The following ATXN1 variants were observed in gnomAD, a reference collection of about 807,000 sequenced individuals.
ATXN1 encodes ataxin 1.
ATXN1 carries 8 observed loss-of-function variants against 56.4 expected under a neutral mutation model. That is an observed-to-expected ratio of 0.14 (90% CI 0.08 to 0.26). The LOEUF (loss-of-function observed/expected upper bound fraction) is 0.26. Ranked by LOEUF, ATXN1 falls within the 10% of genes least tolerant of loss-of-function variation. ATXN1 has a pLI of 1.00. For missense variants in ATXN1, 987 were observed against 1,106.5 expected (o/e 0.89, Z 1.53); for synonymous variants, 514 against 494.6 (o/e 1.04, Z -0.52).
intron 6 of ATXN1, among the ~76,000 whole-genome samples, chr6:16,339,614 A>T (rs1761199137): frequency 6.6e-6 from 1 of 152,210 alleles, no homozygotes; most frequent in African/African-American, 2.4e-5. Flanking sequence ...AATAACAACT[A>T]GCATATGATC....
intron 3 of ATXN1, among the ~76,000 whole-genome samples, chr6:16,586,764 T>C (rs1291192038): frequency 6.6e-6 from 1 of 152,202 alleles, no homozygotes; most frequent in Non-Finnish European, 1.5e-5. Flanking sequence ...CTCATGCCTG[T>C]AATCCCAGCA....
At chr6:16,594,561 C>T (rs546006218) in intron 3 of ATXN1, among the ~76,000 whole-genome samples, 3 of 151,434 alleles carry the variant, frequency 2.0e-5, no homozygotes, top group Non-Finnish European at 2.9e-5. Context: ...CGGCTCACTA[C>T]AGCCTCCACC....
At chr6:16,588,087 G>T (rs536944170) in intron 3 of ATXN1, among the ~76,000 whole-genome samples, 2 of 152,072 alleles carry the variant, frequency 1.3e-5, no homozygotes, top group African/African-American at 4.8e-5. Context: ...TCCTAGCTCA[G>T]TGATGGCATC....
At chr6:16,376,519 G>A (rs1762143783) in intron 6 of ATXN1, among the ~76,000 whole-genome samples, 1 of 152,190 alleles carries the variant, frequency 6.6e-6, no homozygotes, top group Non-Finnish European at 1.5e-5. Flanking sequence ...ATGATATGAA[G>A]GAAACAGCTG....
intron 4 of ATXN1, among the ~76,000 whole-genome samples, chr6:16,528,102 A>G (rs1761428134): frequency 6.6e-6 from 1 of 152,076 alleles, no homozygotes; most frequent in Admixed American, 6.5e-5. Flanking sequence ...GGAGTTCAAG[A>G]CAAGCCTGGG....
chr6:16,544,349 G>A (rs1052641561), intron 4 of ATXN1, among the ~76,000 whole-genome samples: 1 of 152,186 alleles, frequency 6.6e-6, no homozygotes. Context: ...CTGCTTGGGG[G>A]ACTCCGCCTC....
At chr6:16,687,773 T>C (rs1425907167) in intron 2 of ATXN1, among the ~76,000 whole-genome samples, 4 of 151,852 alleles carry the variant, frequency 2.6e-5, no homozygotes, top group Non-Finnish European at 5.9e-5. Flanking sequence ...AGAATACAAA[T>C]GGCTTCTACG....
At chr6:16,650,817 C>T (rs1237937504) in intron 3 of ATXN1, among the ~76,000 whole-genome samples, 1 of 152,186 alleles carries the variant, frequency 6.6e-6, no homozygotes, top group African/African-American at 2.4e-5. Flanking sequence ...TGTTTTCTGT[C>T]CGTCGTTTTC....
At chr6:16,396,268 A>G (rs1758457832) in intron 6 of ATXN1, among the ~76,000 whole-genome samples, 1 of 150,710 alleles carries the variant, frequency 6.6e-6, no homozygotes, top group Non-Finnish European at 1.5e-5. Flanking sequence ...TTAAAAAAAA[A>G]AAACTTTTTT....
At chr6:16,640,149 T>G (rs535163890) in intron 3 of ATXN1, among the ~76,000 whole-genome samples, 406 of 152,314 alleles carry the variant, frequency 2.7e-3, no homozygotes, top group Non-Finnish European at 4.2e-3. Flanking sequence ...GTGCTCATGT[T>G]GAGCCTCTGC....
chr6:16,697,000 G>A (rs1426306458), intron 2 of ATXN1, among the ~76,000 whole-genome samples: 4 of 152,274 alleles, frequency 2.6e-5, no homozygotes, highest in African/African-American at 4.8e-5. Flanking sequence ...AAGCGTTGGC[G>A]AGGCTTGCTC....
At chr6:16,525,222 T>C (rs1470930756) in intron 4 of ATXN1, among the ~76,000 whole-genome samples, 1 of 152,182 alleles carries the variant, frequency 6.6e-6, no homozygotes, top group Non-Finnish European at 1.5e-5. Context: ...CTGCACTTCC[T>C]CTGTTTGTTA....
intron 6 of ATXN1, among the ~76,000 whole-genome samples, chr6:16,347,862 C>G (rs978249899): frequency 1.3e-5 from 2 of 152,022 alleles, no homozygotes; most frequent in African/African-American, 2.4e-5. Context: ...TCCCTTTCCA[C>G]ACTGTGGAAG....
intron 2 of ATXN1, among the ~76,000 whole-genome samples, chr6:16,659,306 C>T (rs1346279770): frequency 6.6e-6 from 1 of 152,188 alleles, no homozygotes; most frequent in Non-Finnish European, 1.5e-5. Context: ...TGTAAGGCAA[C>T]ATACTGATAG....
chr6:16,505,516 A>G (rs1760967663), intron 5 of ATXN1, among the ~76,000 whole-genome samples: 1 of 152,184 alleles, frequency 6.6e-6, no homozygotes. Context: ...GCAGCCTACT[A>G]AAATAGAAAG....
chr6:16,491,258 A>AATTATTATTATT (rs71535082), intron 5 of ATXN1, among the ~76,000 whole-genome samples: 15 of 107,414 alleles, frequency 1.4e-4, no homozygotes, highest in African/African-American at 4.1e-4. Context: ...ACACCTGGCT[A>AATTATTATTATT]ATTATTATTA....
chr6:16,327,141 C>A lies in ATXN1; in HGVS notation c.1170G>T (p.Thr390=). The A allele has an allele frequency of 6.2e-7, 1 of 1,613,584 alleles. No individual in the cohort carries two copies. Among genetic ancestry groups the A allele is most frequent in the Non-Finnish European group, 8.5e-7 (1 of 1,180,030 alleles). The change falls in exon 7 of 8, where the codon ACG becomes ACT. Residue 390 remains threonine (T), a synonymous_variant. Transcript: ENST00000436367. ...GTTGCACCTCCAGGTCAGCTGCGGG[C>A]GTGTTGCTGTTGGGCAGGACCATCA... ...ASVMVLPNSN[T]PAADLEVQQA...
intron 6 of ATXN1, among the ~76,000 whole-genome samples, chr6:16,354,610 C>T (rs1761646137): frequency 1.3e-5 from 2 of 152,076 alleles, no homozygotes; most frequent in South Asian, 4.1e-4. Context: ...CAAGCTTTTC[C>T]CAGAAAACAA....
intron 4 of ATXN1, among the ~76,000 whole-genome samples, chr6:16,584,634 C>CCA (rs978942039): frequency 5.4e-5 from 7 of 130,174 alleles, no homozygotes; most frequent in African/African-American, 3.1e-4. Flanking sequence ...TTACAAATGA[C>CCA]CCCCCCCACC....
Sources: allele counts gnomAD v4.1 joint callset (sites outside exome capture counted in the v4.1 genomes callset), GRCh38; gene constraint gnomAD v4.1.1; transcripts MANE v1.5; gene names NCBI Gene and HGNC (gene_info 2026-07-23, HGNC 2026-07-21).